The following ATF7IP variants were observed in gnomAD, a reference collection of about 807,000 sequenced individuals.
The protein encoded by ATF7IP is activating transcription factor 7-interacting protein 1.
Under a neutral mutation model 106.4 loss-of-function variants are expected in ATF7IP, and 23 were observed. That is an observed-to-expected ratio of 0.22 (90% CI 0.16 to 0.31). The LOEUF is 0.31. ATF7IP is among the 10% of genes least tolerant of loss of function. ATF7IP has a pLI of 1.00. For synonymous variants in ATF7IP, 542 were observed against 539.0 expected, an observed-to-expected ratio of 1.01 and a Z score of -0.08; for missense variants, 1,334 against 1,524.3, an observed-to-expected ratio of 0.88 and a Z score of 2.08.
At chr12:14,383,171 T>C (rs1939068749) in intron 1 of ATF7IP, among the ~76,000 whole-genome samples, 1 of 152,174 alleles carries the variant, frequency 6.6e-6, no homozygotes, top group South Asian at 2.1e-4. Flanking sequence ...AATTATTTAA[T>C]CTTATTGGAG....
chr12:14,429,015 G>T (rs941130526), intron 2 of ATF7IP, among the ~76,000 whole-genome samples: 1 of 152,178 alleles, frequency 6.6e-6, no homozygotes, highest in Non-Finnish European at 1.5e-5. Context: ...CACTAGAGGA[G>T]CTTCATCGCC....
At chr12:14,457,398 G>A (rs539571391) in intron 8 of ATF7IP, 103 bp downstream of exon 8, 3 of 856,350 alleles carry the variant, frequency 3.5e-6, no homozygotes, top group East Asian at 2.7e-5. Flanking sequence ...AAGAAATTGG[G>A]CACATTGGTC....
chr12:14,494,874 A>C (rs1944961584), intron 13 of ATF7IP, among the ~76,000 whole-genome samples: 1 of 147,026 alleles, frequency 6.8e-6, no homozygotes, highest in Non-Finnish European at 1.5e-5. Flanking sequence ...CGGAGGTTGC[A>C]GTGAGCCGAG....
intron 2 of ATF7IP, among the ~76,000 whole-genome samples, chr12:14,433,402 G>A (rs1047012710): frequency 1.3e-5 from 2 of 152,178 alleles, no homozygotes; most frequent in African/African-American, 4.8e-5. Flanking sequence ...CTACCTGGGA[G>A]GCTGAGGCAG....
intron 1 of ATF7IP, among the ~76,000 whole-genome samples, chr12:14,390,345 C>T (rs2136433168): frequency 6.6e-6 from 1 of 152,168 alleles, no homozygotes; most frequent in Non-Finnish European, 1.5e-5. Context: ...TATAGAGTGC[C>T]ATGGGAGCCA....
chr12:14,473,287 TC>T (rs1300945878), intron 10 of ATF7IP, among the ~76,000 whole-genome samples: 3 of 88,990 alleles, frequency 3.4e-5, no homozygotes, highest in Admixed American at 1.4e-4. Context: ...TCTCTCTCTC[TC>T]TCTGTGTGTG....
chr12:14,454,912 C>G (rs1943365368), intron 6 of ATF7IP, among the ~76,000 whole-genome samples: 1 of 152,302 alleles, frequency 6.6e-6, no homozygotes, highest in Non-Finnish European at 1.5e-5. Flanking sequence ...GGCACAGTAG[C>G]TCATGCCTGT....
intron 1 of ATF7IP, among the ~76,000 whole-genome samples, chr12:14,374,060 T>C (rs1938629891): frequency 6.6e-6 from 1 of 151,720 alleles, no homozygotes; most frequent in African/African-American, 2.4e-5. Flanking sequence ...TATAACTGTA[T>C]GTATAAAATA....
At chr12:14,491,711 A>C (rs527327789) in intron 13 of ATF7IP, among the ~76,000 whole-genome samples, 8 of 152,240 alleles carry the variant, frequency 5.3e-5, no homozygotes, top group Non-Finnish European at 8.8e-5. Flanking sequence ...CCTTATGGAC[A>C]GAAATGGAGA....
At position 14,423,731 on chromosome 12, in the gene ATF7IP, G is replaced by A. The variant is rs1223156691; in HGVS notation, c.-7-178G>A. On this transcript the variant is annotated intron_variant, in intron 1 of 14. Transcript: ENST00000261168. ...GTAGACTATGGCCATTTTTGATTTT[G>A]TATTACACAGATGCAGTAAATATGA... 6 of 631,548 alleles carry A rather than the reference G, an allele frequency of 9.5e-6. No individual in the cohort carries two copies. In the Admixed American group the frequency reaches 1.1e-4, roughly 12 times the overall value. 39.1% of individuals were successfully genotyped at this position (631,548 alleles called of 1,614,324 possible).
chr12:14,441,832 T>G (rs920077744), intron 5 of ATF7IP, among the ~76,000 whole-genome samples: 1 of 152,176 alleles, frequency 6.6e-6, no homozygotes, highest in Non-Finnish European at 1.5e-5. Flanking sequence ...TACCAAACTC[T>G]TATTAGATAC....
chr12:14,472,148 A>T (rs367549521), intron 10 of ATF7IP, among the ~76,000 whole-genome samples: 2 of 152,146 alleles, frequency 1.3e-5, no homozygotes, highest in East Asian at 3.8e-4. Flanking sequence ...CTGCCCTCTA[A>T]TGCCTTGAAA....
chr12:14,427,609 C>A (rs894388604), intron 2 of ATF7IP, among the ~76,000 whole-genome samples: 2 of 152,190 alleles, frequency 1.3e-5, no homozygotes, highest in Non-Finnish European at 2.9e-5. Context: ...CGTGATCCTC[C>A]TGCCTCAGCC....
Position 14,460,923 on chromosome 12 carries a change from G to A in ATF7IP, c.2587G>A (p.Ala863Thr). Reference sequence around the variant, plus strand: ...TATTCAAAGGAACCCTACTGCCAGTGCTGCACCATTGGGAACAACACTTGC... The same window carrying A: ...TATTCAAAGGAACCCTACTGCCAGTACTGCACCATTGGGAACAACACTTGC... ...PSIQRNPTAS[A>T]APLGTTLAVQ... The change falls in exon 9 of 15, where the codon GCT becomes ACT. Residue 863 changes from alanine to threonine, a missense_variant. Ala to Thr is a moderately conservative substitution (Grantham distance 58). Around this residue, in one of 10 missense-constraint regions of ATF7IP, gnomAD observed 370 missense variants for 401.2 expected, o/e 0.92. Coordinates refer to ENST00000261168, the MANE Select transcript of ATF7IP (RefSeq NM_018179.5). The A allele has an allele frequency of 6.2e-7, 1 of 1,614,146 alleles. No homozygotes were observed. Among genetic ancestry groups the A allele is most frequent in the East Asian group, 2.2e-5 (1 of 44,884 alleles).
intron 1 of ATF7IP, among the ~76,000 whole-genome samples, chr12:14,370,083 A>G (rs936955404): frequency 5.3e-5 from 8 of 152,028 alleles, no homozygotes; most frequent in Non-Finnish European, 7.4e-5. Context: ...GATTACAGGA[A>G]TGTGCCACTA....
At chr12:14,401,332 G>T (rs1208314967) in intron 1 of ATF7IP, among the ~76,000 whole-genome samples, 6 of 151,924 alleles carry the variant, frequency 3.9e-5, no homozygotes, top group African/African-American at 1.5e-4. Context: ...GAGTAGCTGG[G>T]ATTACAGGTG....
intron 1 of ATF7IP, among the ~76,000 whole-genome samples, chr12:14,420,894 CAT>C (rs2136536495): frequency 6.6e-6 from 1 of 152,326 alleles, no homozygotes; most frequent in African/African-American, 2.4e-5. Flanking sequence ...TCTACCATAT[CAT>C]TCCTACTGGT....
intron 2 of ATF7IP, 149 bp from the exon 3 acceptor site, chr12:14,434,187 TC>T: frequency 3.5e-6 from 2 of 569,494 alleles, no homozygotes; most frequent in Non-Finnish European, 3.1e-6. Context: ...CAGTTCCTGC[TC>T]CCCTTTTCCC....
At chr12:14,374,448 C>T (rs535285724) in intron 1 of ATF7IP, among the ~76,000 whole-genome samples, 1 of 151,870 alleles carries the variant, frequency 6.6e-6, no homozygotes, top group African/African-American at 2.4e-5. Context: ...GTAATATACA[C>T]AGGTAAAAAG....
Sources: gnomAD v4.1 joint callset for allele counts (sites outside exome capture counted in the v4.1 genomes callset) on GRCh38, gnomAD v4.1.1 for gene constraint, gnomAD v4.1.1 regional missense constraint, MANE v1.5 for transcripts, NCBI Gene and HGNC (gene_info 2026-07-23, HGNC 2026-07-21) for gene names.